Variants in CASZ1 observed in about 807,000 individuals in gnomAD.
CASZ1 encodes the protein castor zinc finger 1.
A neutral mutation model predicts 135.2 loss-of-function variants in CASZ1; 28 were observed. That is an observed-to-expected ratio of 0.21 (90% CI 0.15 to 0.28). CASZ1 has a LOEUF of 0.28. Ranked by LOEUF, CASZ1 falls within the 10% of genes least tolerant of loss-of-function variation. The pLI is 1.00. For missense variants in CASZ1, 2,161 were observed against 2,453.3 expected (o/e 0.88, Z 2.52); for synonymous variants, 1,068 against 1,073.4 (o/e 0.99, Z 0.10).
rs1269789253 is a variant in CASZ1 at position 10,649,211 on chromosome 1, G to A, written c.3036-19C>T. On this transcript the variant is annotated intron_variant, in intron 14 of 20. Transcript: ENST00000377022. ...ACCAAACCTAGCCAGAGGAGCTGGC[G>A]TTAGAGGAGAGCCTGGGGCTCCAGG... The A allele has an allele frequency of 6.8e-6, 11 of 1,612,292 alleles. No individual in the cohort carries two copies. The highest frequency in any genetic ancestry group is 1.3e-5 in the African/African-American group (1 of 74,932).
intron 1 of CASZ1, among the ~76,000 whole-genome samples, chr1:10,785,371 G>A (rs533437506): frequency 6.6e-6 from 1 of 151,716 alleles, no homozygotes; most frequent in Non-Finnish European, 1.5e-5. Flanking sequence ...CAAGCACGTG[G>A]CCTGGAGTTC....
chr1:10,791,665 C>A (rs1464163700), intron 1 of CASZ1, among the ~76,000 whole-genome samples: 2 of 151,930 alleles, frequency 1.3e-5, no homozygotes, highest in Admixed American at 1.3e-4. Context: ...AAGCTGTTGA[C>A]TTCTTGGTTA....
At chr1:10,674,089 C>G (rs538461210) in intron 4 of CASZ1, among the ~76,000 whole-genome samples, 1 of 152,372 alleles carries the variant, frequency 6.6e-6, no homozygotes, top group African/African-American at 2.4e-5. Context: ...CCTGAGGTGC[C>G]TGTAGGGGCC....
At chr1:10,785,843 G>C (rs925557071) in intron 1 of CASZ1, among the ~76,000 whole-genome samples, 1 of 152,226 alleles carries the variant, frequency 6.6e-6, no homozygotes, top group Non-Finnish European at 1.5e-5. Flanking sequence ...TGTGCGTTCC[G>C]TAAAATAAAG....
intron 5 of CASZ1, 26 bp downstream of exon 5, chr1:10,665,057 C>A: frequency 6.7e-7 from 1 of 1,496,618 alleles, no homozygotes; most frequent in Non-Finnish European, 8.9e-7. Context: ...TGGCCTTCAG[C>A]CTCCCTTCGA....
At chr1:10,693,068 C>G (rs1236157349) in intron 4 of CASZ1, among the ~76,000 whole-genome samples, 2 of 152,178 alleles carry the variant, frequency 1.3e-5, no homozygotes, top group East Asian at 3.9e-4. Context: ...CAAGAAAACA[C>G]CAAAATATCA....
At chr1:10,764,858 G>A (rs1312385847) in intron 1 of CASZ1, among the ~76,000 whole-genome samples, 1 of 152,166 alleles carries the variant, frequency 6.6e-6, no homozygotes, top group Non-Finnish European at 1.5e-5. Flanking sequence ...GGTAATACCC[G>A]GCGAGCAGGA....
At chr1:10,690,105 G>A (rs561935444) in intron 4 of CASZ1, among the ~76,000 whole-genome samples, 1 of 152,356 alleles carries the variant, frequency 6.6e-6, no homozygotes, top group African/African-American at 2.4e-5. Context: ...CTGGAGGAAG[G>A]AAATTGAGAG....
Position 10,699,439 on chromosome 1 carries a change from G to A in CASZ1, c.-23-5527C>T, listed in dbSNP as rs929575208. Among the ~76,000 whole-genome samples, 3 of 152,142 alleles carry A rather than the reference G, an allele frequency of 2.0e-5. No homozygotes were observed. The highest frequency in any genetic ancestry group is 2.4e-5 in the African/African-American group (1 of 41,424). On this transcript the variant is annotated intron_variant, in intron 3 of 20. Coordinates refer to ENST00000377022, the MANE Select transcript of CASZ1 (RefSeq NM_001079843.3). The surrounding 1 kb of genome is among the most constrained non-coding windows in gnomAD (Gnocchi z 4.6). ...CAGTAGAGCCTGGGGATGTGGCATC[G>A]GTGGGGGCATAAAGTGACCCAAGGT...
rs1473232961 is a variant in CASZ1 at position 10,776,122 on chromosome 1, T to C, written c.-233-15265A>G. On this transcript the variant is annotated intron_variant, in intron 1 of 20. Transcript: ENST00000377022. This position sits in a 1 kb window ranked among gnomAD's most constrained non-coding sequence, Gnocchi z 4.1. ...TCTTCAAATTTGCATTGTAAAACCATCCTTCAACTTCCTTGAAATAAATTT... is the reference window on the plus strand; with the variant it reads ...TCTTCAAATTTGCATTGTAAAACCACCCTTCAACTTCCTTGAAATAAATTT... 6.6e-6 allele frequency among the ~76,000 whole-genome samples: 1 copy of C among 152,230 alleles called. No individual in the cohort carries two copies. Among genetic ancestry groups the C allele is most frequent in the African/African-American group, 2.4e-5 (1 of 41,466 alleles).
rs1374668597 is a variant in CASZ1, at chr1:10,700,326, T to C, written c.-24+5166A>G. ...GCTACTTCAGTTACCCTGTTGCTGC[T>C]GGTTCCTGCTCCAAGCCTCCCTTCT... On this transcript the variant is annotated intron_variant, in intron 3 of 20. Transcript: ENST00000377022. This position sits in a 1 kb window ranked among gnomAD's most constrained non-coding sequence, Gnocchi z 4.2. Among the ~76,000 whole-genome samples the C allele has an allele frequency of 6.6e-6, 1 of 152,222 alleles. No individual in the cohort carries two copies. Among genetic ancestry groups the C allele is most frequent in the Non-Finnish European group, 1.5e-5 (1 of 68,036 alleles).
intron 1 of CASZ1, among the ~76,000 whole-genome samples, chr1:10,770,570 A>C (rs1640558191): frequency 6.6e-6 from 1 of 151,982 alleles, no homozygotes; most frequent in Non-Finnish European, 1.5e-5. Flanking sequence ...GGGTGGTGAA[A>C]GGAGCCAGCA....
In CASZ1 at chr1:10,665,515, G is replaced by C. The variant is rs200934862; in HGVS notation, c.73C>G (p.Arg25Gly). The C allele has an allele frequency of 6.2e-7, 1 of 1,600,766 alleles. No individual in the cohort carries two copies. Among genetic ancestry groups the C allele is most frequent in the Admixed American group, 1.7e-5 (1 of 59,654 alleles). Residue 25 changes from arginine (R) to glycine (G), a missense_variant, in exon 5 of 21, where the codon CGC becomes GGC. Around this residue, in one of 7 missense-constraint regions of CASZ1, gnomAD observed 590 missense variants for 609.8 expected, o/e 0.97. Coordinates refer to ENST00000377022, the MANE Select transcript of CASZ1 (RefSeq NM_001079843.3). ...PAGKPAMAPK[R>G]KGGLKLNAIC... ...GCGTTCAGCTTCAGGCCACCCTTGC[G>C]TTTGGGCGCCATGGCGGGCTTGCCT...
At chr1:10,656,464 CG>C in intron 8 of CASZ1, among the ~76,000 whole-genome samples, 181 bp downstream of exon 8, 1 of 152,190 alleles carries the variant, frequency 6.6e-6, no homozygotes, top group East Asian at 1.9e-4. Flanking sequence ...GCTGCTCTGT[CG>C]GCAGGAATCG....
At chr1:10,780,867 C>T (rs1357550078) in intron 1 of CASZ1, among the ~76,000 whole-genome samples, 1 of 152,198 alleles carries the variant, frequency 6.6e-6, no homozygotes, top group Non-Finnish European at 1.5e-5. Context: ...CGAACCACTG[C>T]TTGCCTTGTG....
chr1:10,718,261 C>T (rs879467516), intron 2 of CASZ1, among the ~76,000 whole-genome samples: 6 of 152,254 alleles, frequency 3.9e-5, no homozygotes, highest in Non-Finnish European at 5.9e-5. Flanking sequence ...CAAGACAGGC[C>T]TTCCTGTGTC....
intron 2 of CASZ1, among the ~76,000 whole-genome samples, chr1:10,718,345 G>A (rs575123480): frequency 6.6e-6 from 1 of 152,360 alleles, no homozygotes; most frequent in Non-Finnish European, 1.5e-5. Context: ...CCTGTTGGTT[G>A]AGGAATCAAA....
chr1:10,656,448 G>A lies in CASZ1; in HGVS notation c.1500+198C>T, dbSNP rs562495559. Among the ~76,000 whole-genome samples, 6 of 152,316 alleles carry A rather than the reference G, an allele frequency of 3.9e-5. No individual in the cohort carries two copies. The South Asian group carries it at 6.2e-4, about 16-fold the overall frequency. ...ACTGGGAGGTCACTGGCCCCCAATC[G>A]TAGGAGCTGCTCTGTCGGCAGGAAT... On this transcript the variant is annotated intron_variant, in intron 8 of 20. Coordinates refer to ENST00000377022, the MANE Select transcript of CASZ1 (RefSeq NM_001079843.3).
At chr1:10,665,944 G>A (rs1164013796) in intron 4 of CASZ1, among the ~76,000 whole-genome samples, 1 of 152,202 alleles carries the variant, frequency 6.6e-6, no homozygotes, top group African/African-American at 2.4e-5. Flanking sequence ...GACACACAAG[G>A]AAACTGAGGC....
Sources: allele counts gnomAD v4.1 joint callset (sites outside exome capture counted in the v4.1 genomes callset), GRCh38; gene constraint gnomAD v4.1.1; regional missense constraint gnomAD v4.1.1; non-coding constraint Gnocchi (gnomAD v3.1); transcripts MANE v1.5; gene names NCBI Gene and HGNC (gene_info 2026-07-23, HGNC 2026-07-21).